CDK5RAP1: variants seen among roughly 807,000 people sequenced by gnomAD.
The protein encoded by CDK5RAP1 is CDK5RAP1 mitochondrial tRNA methylthiotransferase.
Under a neutral mutation model 64.5 loss-of-function variants are expected in CDK5RAP1, and 62 were observed. The observed-to-expected ratio is 0.96, with a 90% confidence interval of 0.78 to 1.19. The LOEUF (loss-of-function observed/expected upper bound fraction) is 1.19, where lower values mean the gene tolerates loss of function less well. Among genes scored for constraint, CDK5RAP1 ranks in the 50% most tolerant of loss-of-function variants. The probability of loss-of-function intolerance (pLI) is 0.00; values close to 1 mark genes in which losing one functional copy is unlikely to be tolerated. For synonymous variants in CDK5RAP1, 250 were observed against 261.9 expected, an observed-to-expected ratio of 0.95 and a Z score of 0.44; for missense variants, 657 against 735.0, an observed-to-expected ratio of 0.89 and a Z score of 1.23.
Position 33,394,069 on chromosome 20 carries a change from G to C in CDK5RAP1, c.409-3C>G. 1.3e-6 allele frequency: 2 copies of C among 1,592,914 alleles called. No homozygotes were observed. The highest frequency in any genetic ancestry group is 1.3e-5 in the African/African-American group (1 of 74,660). On this transcript the variant is annotated splice_polypyrimidine_tract_variant and splice_region_variant and intron_variant, in intron 3 of 13. Coordinates refer to ENST00000346416, the MANE Select transcript of CDK5RAP1 (RefSeq NM_016408.4). ...GTGACAAGGAGAATCACATCTGCCTGAATGGAAAGAAAGGAAAACAAGGAA... is the reference window on the plus strand; with the variant it reads ...GTGACAAGGAGAATCACATCTGCCTCAATGGAAAGAAAGGAAAACAAGGAA...
chr20:33,363,255 A>G (rs988089572), intron 12 of CDK5RAP1, among the ~76,000 whole-genome samples: 1 of 152,208 alleles, frequency 6.6e-6, no homozygotes, highest in Non-Finnish European at 1.5e-5. Flanking sequence ...ACCATCCTAG[A>G]CTAAAGGAGA....
chr20:33,358,935 C>G lies in CDK5RAP1; in HGVS notation c.*108G>C. The G allele has an allele frequency of 2.5e-6, 2 of 788,168 alleles. No homozygotes were observed. The highest frequency in any genetic ancestry group is 4.3e-6 in the Non-Finnish European group (2 of 466,886). 48.8% of individuals were successfully genotyped at this position (788,168 alleles called of 1,614,324 possible). A position where few individuals can be genotyped will look rare whatever the true frequency, so the allele number is the denominator to read the frequency against. On this transcript the variant is annotated 3_prime_UTR_variant, in exon 14 of 14. Transcript: ENST00000346416. The stretch of plus-strand genomic sequence containing the variant: ...CCACTGACATAAAGTTGCTTCGCCC[C>G]TTGCAGCTTATCTCCACCTTCATGA...
intron 7 of CDK5RAP1, among the ~76,000 whole-genome samples, chr20:33,380,513 C>T (rs1357786142): frequency 6.6e-6 from 1 of 152,054 alleles, no homozygotes; most frequent in East Asian, 1.9e-4. Flanking sequence ...ATAATGATAT[C>T]ATGGTTATGA....
Position 33,379,585 on chromosome 20 carries a change from G to A in CDK5RAP1, c.983C>T (p.Thr328Ile). The change falls in exon 8 of 14, where the codon ACC becomes ATC. Residue 328 changes from threonine (T) to isoleucine (I), a missense_variant. Coordinates refer to ENST00000346416, the MANE Select transcript of CDK5RAP1 (RefSeq NM_016408.4). ...AVPTNLSRGF[T>I]TNYKTKQGGL... ...TCCTTGCTTGGTTTTATAGTTGGTGGTAAAGCCACGACTGAGATTGGTAGG... is the reference window on the plus strand; with the variant it reads ...TCCTTGCTTGGTTTTATAGTTGGTGATAAAGCCACGACTGAGATTGGTAGG... 1 of 1,613,966 alleles carries A rather than the reference G, an allele frequency of 6.2e-7. No homozygotes were observed. Among genetic ancestry groups the A allele is most frequent in the Non-Finnish European group, 8.5e-7 (1 of 1,179,894 alleles).
chr20:33,377,938 C>T (rs1568700436), intron 8 of CDK5RAP1, among the ~76,000 whole-genome samples: 2 of 152,194 alleles, frequency 1.3e-5, no homozygotes, highest in Admixed American at 1.3e-4. Flanking sequence ...AGGTGTGAGT[C>T]ACTGCGCCCA....
In CDK5RAP1 at chr20:33,374,205, T is replaced by C. The variant is rs1009456667; in HGVS notation, c.1115A>G (p.Gln372Arg). The C allele has an allele frequency of 7.5e-6, 12 of 1,608,680 alleles. No individual in the cohort carries two copies. The highest frequency in any genetic ancestry group is 9.4e-6 in the Non-Finnish European group (11 of 1,174,970). Residue 372 changes from glutamine to arginine, a missense_variant, in exon 9 of 14, where the codon CAG becomes CGG. Coordinates refer to ENST00000346416, the MANE Select transcript of CDK5RAP1 (RefSeq NM_016408.4). ...GATGTTATCTCTCTCATGAATCAGC[T>C]GCAGAACCTGATGAAACAGAACACA... ...HPKDFPDEVL[Q>R]LIHERDNICK... is the part of the protein sequence containing the mutation.
chr20:33,375,875 A>G (rs1182957863), intron 8 of CDK5RAP1, among the ~76,000 whole-genome samples: 1 of 152,160 alleles, frequency 6.6e-6, no homozygotes, highest in African/African-American at 2.4e-5. Flanking sequence ...TTTTTTAAAT[A>G]TATCGAGATA....
At chr20:33,395,783 C>A (rs1324536210) in intron 2 of CDK5RAP1, among the ~76,000 whole-genome samples, 2 of 152,142 alleles carry the variant, frequency 1.3e-5, no homozygotes, top group South Asian at 2.1e-4. Context: ...GAGGCCAAGG[C>A]GGGCAGATCA....
intron 13 of CDK5RAP1, 111 bp from the exon 14 acceptor site, chr20:33,359,234 G>A (rs904518853): frequency 3.2e-5 from 24 of 757,450 alleles, no homozygotes; most frequent in African/African-American, 2.4e-4. Context: ...GGAGGCGACC[G>A]GCTGGCAGAG....
At chr20:33,383,649 G>T in intron 7 of CDK5RAP1, 1 of 151,730 alleles carries the variant, frequency 6.6e-6, no homozygotes, top group Non-Finnish European at 1.5e-5. Flanking sequence ...GCTGAGGCAG[G>T]AGAATCGTTT....
At chr20:33,396,560 A>AAG (rs1007108458) in intron 2 of CDK5RAP1, among the ~76,000 whole-genome samples, 2 of 152,136 alleles carry the variant, frequency 1.3e-5, no homozygotes, top group Non-Finnish European at 2.9e-5. Flanking sequence ...TTGGCCTCCC[A>AAG]AAGTGCTGGG....
intron 7 of CDK5RAP1, among the ~76,000 whole-genome samples, chr20:33,381,565 T>C (rs1234994888): frequency 6.6e-6 from 1 of 152,144 alleles, no homozygotes; most frequent in East Asian, 1.9e-4. Context: ...TAGCTGGGAC[T>C]ACAGGCGTGT....
chr20:33,388,505 G>GCTCCCT (rs199659729), intron 5 of CDK5RAP1, among the ~76,000 whole-genome samples: 14 of 134,826 alleles, frequency 1.0e-4, no homozygotes, highest in East Asian at 2.2e-4. Context: ...TAATTTTTCA[G>GCTCCCT]CTCCCTCTCC....
intron 12 of CDK5RAP1, among the ~76,000 whole-genome samples, chr20:33,365,760 C>T (rs771933679): frequency 1.3e-5 from 2 of 152,186 alleles, no homozygotes; most frequent in Non-Finnish European, 2.9e-5. Context: ...GAGCTAGTAA[C>T]AGCACCTTTC....
At chr20:33,387,271 AAG>A in intron 6 of CDK5RAP1, 50 bp downstream of exon 6, 1 of 1,392,072 alleles carries the variant, frequency 7.2e-7, no homozygotes, top group Non-Finnish European at 1.0e-6. Context: ...AAAAAAAAAA[AAG>A]TGTGAAAGGA....
intron 12 of CDK5RAP1, among the ~76,000 whole-genome samples, chr20:33,366,651 A>G (rs752096260): frequency 6.6e-6 from 1 of 152,132 alleles, no homozygotes; most frequent in Non-Finnish European, 1.5e-5. Flanking sequence ...ATCTAACAAA[A>G]CATGGACAAA....
intron 5 of CDK5RAP1, among the ~76,000 whole-genome samples, chr20:33,391,649 C>T (rs1988339240): frequency 6.6e-6 from 1 of 152,060 alleles, no homozygotes; most frequent in Admixed American, 6.6e-5. Context: ...TGGGGAAACC[C>T]GTCTCTACTA....
At chr20:33,395,211 G>C in intron 2 of CDK5RAP1, 95 bp from the exon 3 acceptor site, 2 of 733,994 alleles carry the variant, frequency 2.7e-6, no homozygotes, top group Non-Finnish European at 4.9e-6. Flanking sequence ...AGAAATATCT[G>C]AGGCATCTGG....
chr20:33,374,164 G>C lies in CDK5RAP1; in HGVS notation c.1156C>G (p.Leu386Val), dbSNP rs768009105. 91 of 1,613,904 alleles carry C rather than the reference G, an allele frequency of 5.6e-5. No individual in the cohort carries two copies. Among genetic ancestry groups the C allele is most frequent in the Non-Finnish European group, 7.5e-5 (88 of 1,179,880 alleles). The change falls in exon 9 of 14, where the codon CTG becomes GTG. Residue 386 changes from leucine to valine, a missense_variant. Leu to Val is a conservative substitution (Grantham distance 32). Coordinates refer to ENST00000346416, the MANE Select transcript of CDK5RAP1 (RefSeq NM_016408.4). ...CGGCTGCTTCCACTCTGGGCTGGCA[G>C]GTGGATCTGTTTACAGATGTTATCT... The part of the protein sequence containing the change: ...ERDNICKQIH[L>V]PAQSGSSRVL...
Sources: gnomAD v4.1 joint callset for allele counts (sites outside exome capture counted in the v4.1 genomes callset) on GRCh38, gnomAD v4.1.1 for gene constraint, MANE v1.5 for transcripts, NCBI Gene and HGNC (gene_info 2026-07-23, HGNC 2026-07-21) for gene names.